AJAP1: variants seen among roughly 807,000 people sequenced by gnomAD.
AJAP1 encodes adherens junctions associated protein 1.
AJAP1 carries 5 observed loss-of-function variants against 35.0 expected under a neutral mutation model. The observed-to-expected ratio is 0.14, with a 90% CI of 0.07 to 0.30. The LOEUF (loss-of-function observed/expected upper bound fraction) is 0.30. Ranked by LOEUF, AJAP1 falls within the 10% of genes least tolerant of loss-of-function variation. The pLI, the probability that AJAP1 is intolerant of heterozygous loss-of-function variation, is 1.00. For missense variants in AJAP1, 586 were observed against 571.0 expected (o/e 1.03, Z -0.27); for synonymous variants, 284 against 249.3 (o/e 1.14, Z -1.31).
rs1016734634 is a variant in AJAP1, at chr1:4,734,639, G to C, written c.829+21940G>C. On this transcript the variant is annotated intron_variant, in intron 2 of 5. Coordinates refer to ENST00000378191, the MANE Select transcript of AJAP1 (RefSeq NM_018836.4). The surrounding 1 kb of genome is among the most constrained non-coding windows in gnomAD (Gnocchi z 4.3). ...TGCCCATGAATGAATGTCAGGCCTC[G>C]TCACTGCAGGAGCTCGGACTGCACT... 6.6e-6 allele frequency among the ~76,000 whole-genome samples: 1 copy of C among 152,170 alleles called. No individual in the cohort carries two copies. Among genetic ancestry groups the C allele is most frequent in the African/African-American group, 2.4e-5 (1 of 41,438 alleles).
At chr1:4,771,833 G>A (rs1036146431) in intron 3 of AJAP1, among the ~76,000 whole-genome samples, 1 of 152,110 alleles carries the variant, frequency 6.6e-6, no homozygotes, top group Non-Finnish European at 1.5e-5. Context: ...CAGGTCCATT[G>A]TCCATTCTGA....
At chr1:4,725,926 T>C (rs1483622843) in intron 2 of AJAP1, among the ~76,000 whole-genome samples, 2 of 152,256 alleles carry the variant, frequency 1.3e-5, no homozygotes, top group Non-Finnish European at 2.9e-5. Flanking sequence ...TTAAAGGCTC[T>C]ATCTCCAAAT....
At chr1:4,682,442 T>C (rs970824152) in intron 1 of AJAP1, among the ~76,000 whole-genome samples, 8 of 152,218 alleles carry the variant, frequency 5.3e-5, no homozygotes, top group Non-Finnish European at 1.2e-4. Flanking sequence ...AGCCCAGCCA[T>C]GAGGCCCTAT....
chr1:4,655,372 G>C lies in AJAP1; in HGVS notation c.-54G>C, dbSNP rs1638854168. 2 of 1,500,750 alleles carry C rather than the reference G, an allele frequency of 1.3e-6. No homozygotes were observed. Among genetic ancestry groups the C allele is most frequent in the Admixed American group, 4.1e-5 (2 of 48,648 alleles). 93.0% of individuals were successfully genotyped at this position (1,500,750 alleles called of 1,614,324 possible). A position where few individuals can be genotyped will look rare whatever the true frequency, so the allele number is the denominator to read the frequency against. On this transcript the variant is annotated 5_prime_UTR_variant, in exon 1 of 6. Transcript: ENST00000378191. This position sits in a 1 kb window ranked among gnomAD's most constrained non-coding sequence, Gnocchi z 6.9. ...ACGGAAGCGAGCGGGCGCGGGCGCC[G>C]CGCAGATGGCCTGGGCGAGCCAGGT...
chr1:4,706,036 T>G (rs1640093829), intron 1 of AJAP1, among the ~76,000 whole-genome samples: 1 of 152,092 alleles, frequency 6.6e-6, no homozygotes, highest in Admixed American at 6.5e-5. Context: ...TCTTAAACTA[T>G]TCTAAAATAA....
intron 4 of AJAP1, among the ~76,000 whole-genome samples, chr1:4,774,001 C>T (rs898156391): frequency 3.3e-5 from 5 of 152,184 alleles, no homozygotes; most frequent in Non-Finnish European, 7.3e-5. Context: ...AGCTTAGTCT[C>T]AAAGGTGACA....
In AJAP1 at chr1:4,787,651, C is replaced by A. The variant is rs1294551681; in HGVS notation, c.*5166C>A. The A allele has an allele frequency of 2.2e-6, 1 of 456,048 alleles. No individual in the cohort carries two copies. Among genetic ancestry groups the A allele is most frequent in the East Asian group, 7.0e-5 (1 of 14,366 alleles). The allele number at this position is 456,048 out of a possible 1,614,324, so 28.3% of individuals were successfully genotyped here. On this transcript the variant is annotated 3_prime_UTR_variant, in exon 6 of 6. Coordinates refer to ENST00000378191, the MANE Select transcript of AJAP1 (RefSeq NM_018836.4). ...GCTGCTGCCCTGGTGATGAGCTTGC[C>A]CCATCCCTGGGCACTGGCTCTGCCC...
chr1:4,751,795 G>A (rs1005165384), intron 2 of AJAP1, among the ~76,000 whole-genome samples: 1 of 152,200 alleles, frequency 6.6e-6, no homozygotes, highest in African/African-American at 2.4e-5. Context: ...TCTCTGCAAG[G>A]TGCGTTTCCA....
intron 3 of AJAP1, among the ~76,000 whole-genome samples, chr1:4,771,568 C>T (rs1169552233): frequency 6.6e-6 from 1 of 152,286 alleles, no homozygotes; most frequent in East Asian, 1.9e-4. Flanking sequence ...GAAGTGGCAT[C>T]CGGGGGCCTC....
At chr1:4,773,288 TC>T (rs780224965) in intron 4 of AJAP1, among the ~76,000 whole-genome samples, 1 of 152,142 alleles carries the variant, frequency 6.6e-6, no homozygotes, top group Non-Finnish European at 1.5e-5. Context: ...CAGAAAGGGC[TC>T]CCCTGGAACC....
At chr1:4,733,834 C>T (rs1044213605) in intron 2 of AJAP1, among the ~76,000 whole-genome samples, 11 of 152,094 alleles carry the variant, frequency 7.2e-5, no homozygotes, top group South Asian at 2.1e-4. Context: ...GCTGCCCACA[C>T]GCCGTCGTCT....
intron 2 of AJAP1, among the ~76,000 whole-genome samples, chr1:4,725,537 G>A (rs1363152772): frequency 1.3e-5 from 2 of 152,164 alleles, no homozygotes; most frequent in Non-Finnish European, 2.9e-5. Context: ...GAGGTTAGGA[G>A]AGAACTCAGA....
chr1:4,774,717 G>T (rs1641909270), intron 5 of AJAP1, among the ~76,000 whole-genome samples, 159 bp downstream of exon 5: 1 of 152,014 alleles, frequency 6.6e-6, no homozygotes. Context: ...GGGGGGGGCT[G>T]GGCTTTTGAC....
chr1:4,706,274 C>G (rs970405196), intron 1 of AJAP1, among the ~76,000 whole-genome samples: 2 of 152,148 alleles, frequency 1.3e-5, no homozygotes, highest in Non-Finnish European at 2.9e-5. Flanking sequence ...GAGATTGTTT[C>G]TAGCGGTGCC....
chr1:4,706,511 G>A (rs1199605160), intron 1 of AJAP1, among the ~76,000 whole-genome samples: 1 of 152,202 alleles, frequency 6.6e-6, no homozygotes, highest in Non-Finnish European at 1.5e-5. Flanking sequence ...GGAAGTGGGT[G>A]TCTTCGTGGA....
At chr1:4,718,265 A>G (rs1363566688) in intron 2 of AJAP1, among the ~76,000 whole-genome samples, 1 of 152,196 alleles carries the variant, frequency 6.6e-6, no homozygotes, top group Non-Finnish European at 1.5e-5. Context: ...AGTGTGCTCC[A>G]ACTCATGAAA....
In AJAP1 at chr1:4,712,022, G is replaced by A; in HGVS notation, c.152G>A (p.Trp51Ter). The A allele has an allele frequency of 6.3e-7, 1 of 1,595,654 alleles. No individual in the cohort carries two copies. Among genetic ancestry groups the A allele is most frequent in the Non-Finnish European group, 8.5e-7 (1 of 1,173,754 alleles). ...GCCCTGGGCCCGGGGCCGGAGTTCT[G>A]GCTCCTGCCGCGGTCGCCGCCCCGG... The part of the protein sequence containing the change: ...CEALGPGPEF[W>*]LLPRSPPRPP... Residue 51 changes from tryptophan (W) to a stop codon, truncating the protein, a stop_gained, in exon 2 of 6, where the codon TGG becomes TAG. Coordinates refer to ENST00000378191, the MANE Select transcript of AJAP1 (RefSeq NM_018836.4). LOFTEE classifies it high-confidence loss of function.
At chr1:4,742,062 G>A (rs1192935481) in intron 2 of AJAP1, among the ~76,000 whole-genome samples, 4 of 151,740 alleles carry the variant, frequency 2.6e-5, no homozygotes, top group Non-Finnish European at 5.9e-5. Context: ...TCATAGTAAT[G>A]ATTAATTCAG....
chr1:4,718,977 G>A (rs1208961965), intron 2 of AJAP1, among the ~76,000 whole-genome samples: 1 of 152,104 alleles, frequency 6.6e-6, no homozygotes, highest in African/African-American at 2.4e-5. Context: ...TGGGGTAGCC[G>A]GCGGCTGCAC....
Sources: gnomAD v4.1 joint callset for allele counts (sites outside exome capture counted in the v4.1 genomes callset) on GRCh38, gnomAD v4.1.1 for gene constraint, Gnocchi (gnomAD v3.1) non-coding constraint, MANE v1.5 for transcripts, NCBI Gene and HGNC (gene_info 2026-07-23, HGNC 2026-07-21) for gene names.